KIF20A: variants seen among roughly 807,000 people sequenced by gnomAD.
KIF20A encodes kinesin-like protein KIF20A.
Under a neutral mutation model 113.0 loss-of-function variants are expected in KIF20A, and 66 were observed. The ratio of observed to expected loss-of-function variants is 0.58; its 90% CI spans 0.48 to 0.72. KIF20A has a LOEUF of 0.72. KIF20A is among the 30% of genes least tolerant of loss of function. The pLI, the probability that KIF20A is intolerant of heterozygous loss-of-function variation, is 0.00. For missense variants in KIF20A, 927 were observed against 1,077.6 expected (o/e 0.86, Z 1.96); for synonymous variants, 376 against 402.3 (o/e 0.93, Z 0.78).
At position 138,179,710 on chromosome 5, in the gene KIF20A, G is replaced by C. The variant is rs772214319; in HGVS notation, c.30G>C (p.Ala10=). MSQGILSPP[A]GLLSDDDVVV... ...CGCAAGGGATCCTTTCTCCGCCAGC[G>C]GGCTTGCTGTCCGATGACGATGTCG... The change falls in exon 2 of 19, where the codon GCG becomes GCC. Residue 10 remains alanine (A), a synonymous_variant. Transcript: ENST00000394894. 1 of 1,613,950 alleles carries C rather than the reference G, an allele frequency of 6.2e-7. No individual in the cohort carries two copies. The highest frequency in any genetic ancestry group is 8.5e-7 in the Non-Finnish European group (1 of 1,180,020).
chr5:138,179,896 T>C, intron 2 of KIF20A, 51 bp downstream of exon 2: 2 of 1,581,010 alleles, frequency 1.3e-6, no homozygotes. Flanking sequence ...CTCAGGCCAA[T>C]AATTGTCCAT....
In KIF20A at chr5:138,187,517, C is replaced by T; in HGVS notation, c.*104C>T. 1 of 913,012 alleles carries T rather than the reference C, an allele frequency of 1.1e-6. No individual in the cohort carries two copies. Among genetic ancestry groups the T allele is most frequent in the East Asian group, 2.6e-5 (1 of 38,280 alleles). 56.6% of individuals were successfully genotyped at this position (913,012 alleles called of 1,614,324 possible). ...CTTTACCATATATCAGGAATTATATCCAGGATGCAATACTCAGACACTAGC... is the reference window on the plus strand; with the variant it reads ...CTTTACCATATATCAGGAATTATATTCAGGATGCAATACTCAGACACTAGC... On this transcript the variant is annotated 3_prime_UTR_variant, in exon 19 of 19. Transcript: ENST00000394894.
intron 18 of KIF20A, 119 bp downstream of exon 18, chr5:138,186,550 C>G: frequency 9.1e-7 from 1 of 1,097,242 alleles, no homozygotes. Flanking sequence ...ATAGTGAGAG[C>G]AGTATATTTG....
chr5:138,186,515 A>C (rs566801794), intron 18 of KIF20A, 84 bp downstream of exon 18: 1 of 1,457,584 alleles, frequency 6.9e-7, no homozygotes, highest in Non-Finnish European at 9.2e-7. Flanking sequence ...CAGAAGAAAA[A>C]GGTAAAGATT....
chr5:138,182,993 A>T lies in KIF20A; in HGVS notation c.832+3A>T. 1 of 1,613,584 alleles carries T rather than the reference A, an allele frequency of 6.2e-7. No homozygotes were observed. Among genetic ancestry groups the T allele is most frequent in the Non-Finnish European group, 8.5e-7 (1 of 1,179,580 alleles). On this transcript the variant is annotated splice_donor_region_variant and intron_variant, in intron 7 of 18. Transcript: ENST00000394894. The stretch of plus-strand genomic sequence containing the variant: ...TACCAGCAGTAGCCAGCTGGATGGT[A>T]TGTACCGTGACTGGGCTCTGCCAAA...
chr5:138,184,881 G>A lies in KIF20A; in HGVS notation c.1758G>A (p.Met586Ile), dbSNP rs1475353685. The change falls in exon 14 of 19, where the codon ATG becomes ATA. Residue 586 changes from methionine (M) to isoleucine (I), a missense_variant. By Grantham distance (10) the Met-to-Ile change is conservative. Transcript: ENST00000394894. ...GACAGGAAAAGCTACAGCTGGAGAT[G>A]CATCTCCGAGATGAAATTTGCAATG... ...KERQEKLQLEMHLRDEICNEM... is the reference protein window; with the variant it reads ...KERQEKLQLEIHLRDEICNEM... The A allele has an allele frequency of 1.9e-6, 3 of 1,614,038 alleles. No individual in the cohort carries two copies. The highest frequency in any genetic ancestry group is 1.3e-5 in the African/African-American group (1 of 74,904).
intron 2 of KIF20A, 70 bp downstream of exon 2, chr5:138,179,915 G>C (rs752181169): frequency 3.3e-5 from 49 of 1,496,114 alleles, no homozygotes; most frequent in African/African-American, 5.5e-5. Context: ...ATACAGGGTA[G>C]TATGAGGTCA....
chr5:138,179,754 A>G lies in KIF20A; in HGVS notation c.74A>G (p.Glu25Gly). 6.2e-7 allele frequency: 1 copy of G among 1,614,102 alleles called. No individual in the cohort carries two copies. Among genetic ancestry groups the G allele is most frequent in the Non-Finnish European group, 8.5e-7 (1 of 1,180,020 alleles). The change falls in exon 2 of 19, where the codon GAG becomes GGG. Residue 25 changes from glutamate (E) to glycine (G), a missense_variant. Transcript: ENST00000394894. ...GATGTCGTAGTTTCTCCCATGTTTG[A>G]GTCCACAGCTGCAGATTTGGGGTCT... ...DDDVVVSPMF[E>G]STAADLGSVV...
chr5:138,184,890 A>T lies in KIF20A; in HGVS notation c.1767A>T (p.Arg589=). 6.2e-7 allele frequency: 1 copy of T among 1,614,138 alleles called. No individual in the cohort carries two copies. The highest frequency in any genetic ancestry group is 1.1e-5 in the South Asian group (1 of 91,076). ...AGCTACAGCTGGAGATGCATCTCCG[A>T]GATGAAATTTGCAATGAGATGGTAG... is the stretch of plus-strand genomic sequence containing the variant. ...QEKLQLEMHL[R]DEICNEMVEQ... The change falls in exon 14 of 19, where the codon CGA becomes CGT. Residue 589 remains arginine, a synonymous_variant. Transcript: ENST00000394894.
At position 138,181,438 on chromosome 5, in the gene KIF20A, G is replaced by T; in HGVS notation, c.182G>T (p.Ser61Ile). The change falls in exon 3 of 19, where the codon AGT becomes ATT. Residue 61 changes from serine to isoleucine, a missense_variant. Physicochemically the swap from Ser to Ile is moderately radical, Grantham distance 142. Coordinates refer to ENST00000394894, the MANE Select transcript of KIF20A (RefSeq NM_005733.3). ...CTGCCACAGGTTCCATCTGAGGACA[G>T]TATGGAGAAGGTGAAAGTATACTTG... ...EDKQQVPSED[S>I]MEKVKVYLRV... 1.2e-6 allele frequency: 2 copies of T among 1,613,994 alleles called. No homozygotes were observed.
In KIF20A at chr5:138,183,234, T is replaced by C. The variant is rs1282857956; in HGVS notation, c.898T>C (p.Ser300Pro). The C allele has an allele frequency of 6.2e-7, 1 of 1,614,178 alleles. No individual in the cohort carries two copies. The highest frequency in any genetic ancestry group is 8.5e-7 in the Non-Finnish European group (1 of 1,180,036). Residue 300 changes from serine to proline, a missense_variant, in exon 8 of 19, where the codon TCC (serine) becomes CCC (proline). Transcript: ENST00000394894. This position sits in a 1 kb window ranked among gnomAD's most constrained non-coding sequence, Gnocchi z 5.2. ...PLPVPANIRF[S>P]IWISFFEIYN... Reference sequence around the variant, plus strand: ...ACCTGTCCCGGCAAACATTCGCTTCTCCATCTGGATCTCATTCTTTGAGAT... The same window carrying C: ...ACCTGTCCCGGCAAACATTCGCTTCCCCATCTGGATCTCATTCTTTGAGAT...
At chr5:138,186,944 T>C (rs759953715) in intron 18 of KIF20A, 152 bp from the exon 19 acceptor site, 14 of 632,696 alleles carry the variant, frequency 2.2e-5, no homozygotes, top group Non-Finnish European at 3.7e-5. Flanking sequence ...TGTCCCCTTA[T>C]TCAGTTATAA....
Position 138,183,332 on chromosome 5 carries a change from C to T in KIF20A, c.996C>T (p.Cys332=), listed in dbSNP as rs141701454. ...GCAAGAGGCAGACTTTGCGGCTATG[C>T]GAGGATCAAAATGGCAATCCCTATG... ...QQRKRQTLRL[C]EDQNGNPYVK... is the part of the protein sequence containing the mutation. Residue 332 remains cysteine (C), a synonymous_variant, in exon 8 of 19, where the codon TGC becomes TGT. Transcript: ENST00000394894. The surrounding 1 kb of genome is among the most constrained non-coding windows in gnomAD (Gnocchi z 5.2). 2.4e-4 allele frequency: 388 copies of T among 1,614,136 alleles called. 5 individuals carry two copies. The African/African-American group carries it at 3.2e-3, about 13-fold the overall frequency.
Position 138,184,861 on chromosome 5 carries a change from G to C in KIF20A, c.1738G>C (p.Glu580Gln), listed in dbSNP as rs774430963. The change falls in exon 14 of 19, where the codon GAA becomes CAA. Residue 580 changes from glutamate to glutamine, a missense_variant. Coordinates refer to ENST00000394894, the MANE Select transcript of KIF20A (RefSeq NM_005733.3). Reference sequence around the variant, plus strand: ...GACACTGCTTTTGAAGGAACGACAGGAAAAGCTACAGCTGGAGATGCATCT... The same window carrying C: ...GACACTGCTTTTGAAGGAACGACAGCAAAAGCTACAGCTGGAGATGCATCT... ...MKTLLLKERQ[E>Q]KLQLEMHLRD... 6.2e-7 allele frequency: 1 copy of C among 1,614,158 alleles called. No individual in the cohort carries two copies. The highest frequency in any genetic ancestry group is 8.5e-7 in the Non-Finnish European group (1 of 1,180,020).
chr5:138,187,011 G>A, intron 18 of KIF20A, 85 bp from the exon 19 acceptor site: 1 of 978,762 alleles, frequency 1.0e-6, no homozygotes. Flanking sequence ...AACTAGTAAT[G>A]GATGGTATGT....
chr5:138,185,506 T>C lies in KIF20A; in HGVS notation c.1927-6T>C, dbSNP rs779441128. ...CAAAGAATTGTGCTCTCTGCTTCCCTCTTAGGAGCGGGATGAAAAGATTGA... is the reference window on the plus strand; with the variant it reads ...CAAAGAATTGTGCTCTCTGCTTCCCCCTTAGGAGCGGGATGAAAAGATTGA... On this transcript the variant is annotated splice_region_variant and splice_polypyrimidine_tract_variant and intron_variant, in intron 15 of 18. Coordinates refer to ENST00000394894, the MANE Select transcript of KIF20A (RefSeq NM_005733.3). 1 of 1,612,476 alleles carries C rather than the reference T, an allele frequency of 6.2e-7. No homozygotes were observed. Among genetic ancestry groups the C allele is most frequent in the Admixed American group, 1.7e-5 (1 of 60,010 alleles).
Position 138,184,796 on chromosome 5 carries a change from G to C in KIF20A, c.1684-11G>C. 2.5e-6 allele frequency: 4 copies of C among 1,613,866 alleles called. No individual in the cohort carries two copies. The highest frequency in any genetic ancestry group is 3.4e-6 in the Non-Finnish European group (4 of 1,179,858). The stretch of plus-strand genomic sequence containing the variant: ...GCATCTGATGACCTCTGACATGTGT[G>C]TCTCTCCTAGGAGCTCCTACAAGTT... On this transcript the variant is annotated splice_polypyrimidine_tract_variant and intron_variant, in intron 13 of 18. Coordinates refer to ENST00000394894, the MANE Select transcript of KIF20A (RefSeq NM_005733.3).
rs755155436 is a variant in KIF20A at position 138,186,020 on chromosome 5, G to T, written c.2185G>T (p.Asp729Tyr). The change falls in exon 17 of 19, where the codon GAT (aspartate) becomes TAT (tyrosine). Residue 729 changes from aspartate (D) to tyrosine (Y), a missense_variant. Asp to Tyr is a radical substitution (Grantham distance 160, BLOSUM62 -3). Transcript: ENST00000394894. The stretch of plus-strand genomic sequence containing the variant: ...ACCCTCAGCCAAGCCCTTCACCATT[G>T]ATGTGGACAAGAAGTTAGAAGAGGG... ...PPPSAKPFTI[D>Y]VDKKLEEGQK... 6.2e-7 allele frequency: 1 copy of T among 1,614,012 alleles called. No homozygotes were observed. Among genetic ancestry groups the T allele is most frequent in the Non-Finnish European group, 8.5e-7 (1 of 1,179,976 alleles).
At chr5:138,182,255 G>T in intron 4 of KIF20A, 68 bp from the exon 5 acceptor site, 3 of 1,547,898 alleles carry the variant, frequency 1.9e-6, no homozygotes, top group Non-Finnish European at 2.6e-6. Context: ...GAATATATCT[G>T]CTGGCTCTGC....
Sources: gnomAD v4.1 joint callset for allele counts on GRCh38, gnomAD v4.1.1 for gene constraint, Gnocchi (gnomAD v3.1) non-coding constraint, MANE v1.5 for transcripts, NCBI Gene and HGNC (gene_info 2026-07-23, HGNC 2026-07-21) for gene names.